The following RIT2 variants were observed in gnomAD, a reference collection of about 807,000 sequenced individuals.
The protein encoded by RIT2 is GTP-binding protein Rit2.
A neutral mutation model predicts 23.7 loss-of-function variants in RIT2; 24 were observed. The observed-to-expected ratio is 1.01, with a 90% CI of 0.73 to 1.43. The LOEUF (loss-of-function observed/expected upper bound fraction) is 1.43. Ranked by LOEUF, RIT2 falls within the 40% of genes most tolerant of loss-of-function variation. RIT2 has a pLI of 0.00. For missense variants in RIT2, 236 were observed against 266.9 expected (o/e 0.88, Z 0.81); for synonymous variants, 107 against 91.1 (o/e 1.17, Z -0.99).
chr18:43,061,374 T>G (rs1352375137), intron 1 of RIT2, among the ~76,000 whole-genome samples: 1 of 152,120 alleles, frequency 6.6e-6, no homozygotes, highest in African/African-American at 2.4e-5. Flanking sequence ...CAGGGCCCTG[T>G]TATCCCTTGT....
rs116600451 is a variant in RIT2 at position 43,087,357 on chromosome 18, A to G, written c.103+28060T>C. Among the ~76,000 whole-genome samples, 477 of 152,292 alleles carry G rather than the reference A, an allele frequency of 3.1e-3. 2 individuals carry two copies. Among genetic ancestry groups the G allele is most frequent in the African/African-American group, 0.011 (463 of 41,572 alleles). On this transcript the variant is annotated intron_variant, in intron 1 of 4. Coordinates refer to ENST00000326695, the MANE Select transcript of RIT2 (RefSeq NM_002930.4). ...CATAATAACACGTGGATGTGTTCCA[A>G]TATGTCCTTACTAACAGGCACTATT...
chr18:42,907,912 T>G (rs187391710), intron 4 of RIT2, among the ~76,000 whole-genome samples: 19 of 151,422 alleles, frequency 1.3e-4, no homozygotes, highest in Admixed American at 3.3e-4. Context: ...GCCCAAGATA[T>G]AGAGGTTGTA....
At chr18:42,805,026 C>T (rs922021006) in intron 4 of RIT2, among the ~76,000 whole-genome samples, 1 of 152,102 alleles carries the variant, frequency 6.6e-6, no homozygotes, top group African/African-American at 2.4e-5. Flanking sequence ...AAACATCCAC[C>T]TTTCTCTGAA....
chr18:42,847,675 A>G (rs1906947027), intron 4 of RIT2, among the ~76,000 whole-genome samples: 2 of 152,026 alleles, frequency 1.3e-5, no homozygotes, highest in African/African-American at 4.8e-5. Context: ...TTATATTTTT[A>G]CTGCTGGAGA....
intron 1 of RIT2, among the ~76,000 whole-genome samples, chr18:43,084,027 T>C (rs1203804470): frequency 1.3e-5 from 2 of 151,682 alleles, no homozygotes; most frequent in East Asian, 1.9e-4. Flanking sequence ...GGAACACAAA[T>C]AAATTTCCAA....
chr18:42,759,566 T>G (rs1387753441), intron 4 of RIT2, among the ~76,000 whole-genome samples: 1 of 151,862 alleles, frequency 6.6e-6, no homozygotes, highest in East Asian at 1.9e-4. Context: ...AAGAAAAGGT[T>G]TAGGAAAGAG....
intron 4 of RIT2, among the ~76,000 whole-genome samples, chr18:42,847,521 T>C (rs951496219): frequency 2.0e-5 from 3 of 152,094 alleles, no homozygotes; most frequent in Non-Finnish European, 4.4e-5. Flanking sequence ...CCTAAAAAAA[T>C]TGTAGGTAGT....
chr18:43,108,269 G>A (rs1913875843), intron 1 of RIT2, among the ~76,000 whole-genome samples: 1 of 151,856 alleles, frequency 6.6e-6, no homozygotes, highest in African/African-American at 2.4e-5. Context: ...TAAAAATAAT[G>A]TAAACATCGA....
intron 4 of RIT2, among the ~76,000 whole-genome samples, chr18:42,853,472 T>C (rs180886831): frequency 6.6e-6 from 1 of 152,362 alleles, no homozygotes; most frequent in East Asian, 1.9e-4. Context: ...TCTAATATTT[T>C]ATCATGTGTA....
At chr18:42,960,889 C>T (rs536132876) in intron 3 of RIT2, among the ~76,000 whole-genome samples, 20 of 152,244 alleles carry the variant, frequency 1.3e-4, no homozygotes, top group African/African-American at 4.8e-4. Context: ...ACAAAACAAG[C>T]CTCTCAAAAC....
chr18:42,841,822 T>C (rs545999457), intron 4 of RIT2, among the ~76,000 whole-genome samples: 1 of 152,296 alleles, frequency 6.6e-6, no homozygotes, highest in African/African-American at 2.4e-5. Flanking sequence ...CAGCCCAAAA[T>C]TGTCCAAGCT....
rs575740193 is a variant in RIT2, at chr18:42,933,139, A to T, written c.235-9376T>A. ...GCTGCCATTTGAACAAATAAATGCC[A>T]TTTAGAAAAATACTTTGATGTGCTA... On this transcript the variant is annotated intron_variant, in intron 3 of 4. Coordinates refer to ENST00000326695, the MANE Select transcript of RIT2 (RefSeq NM_002930.4). Among the ~76,000 whole-genome samples, 10 of 152,306 alleles carry T rather than the reference A, an allele frequency of 6.6e-5. No homozygotes were observed. The East Asian group carries it at 1.9e-3, about 29-fold the overall frequency.
chr18:42,975,541 C>T (rs906545363), intron 2 of RIT2, among the ~76,000 whole-genome samples: 5 of 151,980 alleles, frequency 3.3e-5, no homozygotes, highest in African/African-American at 1.2e-4. Flanking sequence ...GCCTGTTACT[C>T]AAGACAGAGA....
intron 4 of RIT2, among the ~76,000 whole-genome samples, chr18:42,889,002 C>G (rs917408690): frequency 2.0e-5 from 3 of 151,988 alleles, no homozygotes; most frequent in Admixed American, 1.3e-4. Context: ...ACCCCACCAT[C>G]ATACAATATT....
At chr18:42,987,325 C>A (rs1290354058) in intron 2 of RIT2, among the ~76,000 whole-genome samples, 3 of 152,134 alleles carry the variant, frequency 2.0e-5, no homozygotes, top group Non-Finnish European at 2.9e-5. Context: ...CAAGCATGTG[C>A]AGTATGGCTC....
chr18:42,899,597 C>T (rs565741116), intron 4 of RIT2, among the ~76,000 whole-genome samples: 3 of 151,900 alleles, frequency 2.0e-5, no homozygotes, highest in East Asian at 2.0e-4. Context: ...ACCTTTATTT[C>T]GATTCATGGT....
chr18:42,934,985 C>T (rs1023160324), intron 3 of RIT2, among the ~76,000 whole-genome samples: 2 of 151,950 alleles, frequency 1.3e-5, no homozygotes, highest in African/African-American at 2.4e-5. Flanking sequence ...CAGAAAAAAG[C>T]GATAAATAGA....
At chr18:43,105,516 G>GGGA (rs1913801477) in intron 1 of RIT2, among the ~76,000 whole-genome samples, 1 of 151,082 alleles carries the variant, frequency 6.6e-6, no homozygotes, top group Non-Finnish European at 1.5e-5. Flanking sequence ...GAGGGAGGGA[G>GGGA]GGAATGAGCA....
At chr18:43,065,718 A>C (rs1411202943) in intron 1 of RIT2, among the ~76,000 whole-genome samples, 1 of 152,170 alleles carries the variant, frequency 6.6e-6, no homozygotes, top group African/African-American at 2.4e-5. Context: ...TGGTAACAAA[A>C]CTAAGACAAA....
Sources: gnomAD v4.1 joint callset for allele counts (sites outside exome capture counted in the v4.1 genomes callset) on GRCh38, gnomAD v4.1.1 for gene constraint, MANE v1.5 for transcripts, NCBI Gene and HGNC (gene_info 2026-07-23, HGNC 2026-07-21) for gene names.